Variants in SEL1L2 observed in about 807,000 individuals in gnomAD.
The protein encoded by SEL1L2 is protein sel-1 homolog 2.
In SEL1L2, 89 loss-of-function variants were observed where a neutral mutation model predicts 98.8. The observed-to-expected ratio is 0.90, with a 90% CI of 0.76 to 1.07. The LOEUF (loss-of-function observed/expected upper bound fraction) is 1.07. SEL1L2 is among the 50% of genes least tolerant of loss of function. SEL1L2 has a pLI of 0.00. For missense variants in SEL1L2, 788 were observed against 812.0 expected (o/e 0.97, Z 0.36); for synonymous variants, 262 against 278.5 (o/e 0.94, Z 0.59).
intron 1 of SEL1L2, among the ~76,000 whole-genome samples, chr20:13,989,377 T>C (rs1381080800): frequency 2.0e-5 from 3 of 152,226 alleles, no homozygotes; most frequent in East Asian, 1.9e-4. Flanking sequence ...GTTGATTCCA[T>C]ACGATTTTCT....
intron 5 of SEL1L2, among the ~76,000 whole-genome samples, chr20:13,899,194 T>G (rs1355362295): frequency 6.6e-6 from 1 of 152,208 alleles, no homozygotes; most frequent in Non-Finnish European, 1.5e-5. Flanking sequence ...AACTCTTATT[T>G]CCTTTTACTT....
intron 1 of SEL1L2, among the ~76,000 whole-genome samples, chr20:13,985,854 A>G (rs1013064728): frequency 1.3e-5 from 2 of 152,182 alleles, no homozygotes; most frequent in Non-Finnish European, 2.9e-5. Context: ...ACCGACTTTC[A>G]GTCTCTGTGC....
In SEL1L2 at chr20:13,876,091, C is replaced by G. The variant is rs201957921; in HGVS notation, c.1051G>C (p.Val351Leu). The change falls in exon 12 of 20, where the codon GTG becomes CTG. Residue 351 changes from valine to leucine, a missense_variant. Val to Leu is a conservative substitution (Grantham distance 32, BLOSUM62 1). Transcript: ENST00000284951. ...GKMYLEGNAA[V>L]PQNNATAFKY... ...AAGGCAGTAGCGTTATTTTGCGGCA[C>G]GGCAGCATTCCCCTCTAAATACATC... The G allele has an allele frequency of 2.5e-6, 4 of 1,613,658 alleles. No homozygotes were observed. The East Asian group carries it at 8.9e-5, about 36-fold the overall frequency.
intron 1 of SEL1L2, among the ~76,000 whole-genome samples, chr20:13,957,388 T>C (rs1321244): frequency 0.97 from 146,999 of 152,312 alleles, 71,051 homozygotes; most frequent in East Asian, 1. Flanking sequence ...AGGCGTGAGC[T>C]GCTGCGCCCA....
At chr20:13,904,652 G>C (rs1229493037) in intron 5 of SEL1L2, among the ~76,000 whole-genome samples, 1 of 152,080 alleles carries the variant, frequency 6.6e-6, no homozygotes, top group Non-Finnish European at 1.5e-5. Flanking sequence ...CCAATGGAAG[G>C]CATCTGGGAT....
In SEL1L2 at chr20:13,931,602, CAATG is replaced by C. The variant is rs2049147546; in HGVS notation, c.280_283del (p.His94TyrfsTer49). 7.4e-7 allele frequency: 1 copy of C among 1,359,820 alleles called. No homozygotes were observed. The highest frequency in any genetic ancestry group is 1.0e-6 in the Non-Finnish European group (1 of 999,498). 84.2% of individuals were successfully genotyped at this position (1,359,820 alleles called of 1,614,324 possible). A position where few individuals can be genotyped will look rare whatever the true frequency, so the allele number is the denominator to read the frequency against. The stretch of plus-strand genomic sequence containing the variant: ...TACATGTGAAAAGATATTCTACTTA[CAATG>C]ATTCTTATTTCTCTTCAAGATATCT... On this transcript the variant is annotated frameshift_variant and splice_region_variant, in exon 3 of 20. Transcript: ENST00000284951. LOFTEE classifies it high-confidence loss of function.
At chr20:13,945,810 A>G (rs2049981903) in intron 2 of SEL1L2, among the ~76,000 whole-genome samples, 1 of 152,174 alleles carries the variant, frequency 6.6e-6, no homozygotes, top group South Asian at 2.1e-4. Context: ...AATATGTCAC[A>G]TTAACAAAAT....
intron 1 of SEL1L2, among the ~76,000 whole-genome samples, chr20:13,977,483 TG>T (rs1230131907): frequency 6.6e-6 from 1 of 152,088 alleles, no homozygotes; most frequent in Non-Finnish European, 1.5e-5. Context: ...TTTCAATTGA[TG>T]GGGGGATAGA....
chr20:13,981,749 T>G (rs1253725037), intron 1 of SEL1L2, among the ~76,000 whole-genome samples: 1 of 152,226 alleles, frequency 6.6e-6, no homozygotes, highest in African/African-American at 2.4e-5. Context: ...AGTCCTGTCA[T>G]AACACCTGGT....
chr20:13,862,732 G>A (rs1444887105), intron 17 of SEL1L2, among the ~76,000 whole-genome samples: 1 of 151,808 alleles, frequency 6.6e-6, no homozygotes, highest in Non-Finnish European at 1.5e-5. Flanking sequence ...CTGTTGCCCA[G>A]GCTGGAGTGC....
At chr20:13,942,138 TC>T (rs1187902892) in intron 2 of SEL1L2, among the ~76,000 whole-genome samples, 1 of 152,156 alleles carries the variant, frequency 6.6e-6, no homozygotes, top group African/African-American at 2.4e-5. Flanking sequence ...TCACCAGTGG[TC>T]TTTGTTTAGG....
chr20:13,863,924 T>A (rs1382758061), intron 17 of SEL1L2, among the ~76,000 whole-genome samples: 1 of 149,814 alleles, frequency 6.7e-6, no homozygotes, highest in Non-Finnish European at 1.5e-5. Flanking sequence ...GAGCCTAGAT[T>A]GTGCCACTGC....
chr20:13,862,822 G>C lies in SEL1L2; in HGVS notation c.1645+2345C>G, dbSNP rs558751536. Among the ~76,000 whole-genome samples, 6 of 152,022 alleles carry C rather than the reference G, an allele frequency of 3.9e-5. No individual in the cohort carries two copies. The East Asian group carries it at 1.2e-3, about 29-fold the overall frequency. On this transcript the variant is annotated intron_variant, in intron 17 of 19. Coordinates refer to ENST00000284951, the MANE Select transcript of SEL1L2 (RefSeq NM_025229.2). The stretch of plus-strand genomic sequence containing the variant: ...CCTGCCTCAGCCCCTTGAGTAGCTA[G>C]AACTACAGGTGCACACCACCACACC...
intron 2 of SEL1L2, among the ~76,000 whole-genome samples, chr20:13,948,509 C>G (rs1318842281): frequency 6.6e-6 from 1 of 152,190 alleles, no homozygotes; most frequent in Non-Finnish European, 1.5e-5. Context: ...TGGAGAAAGA[C>G]AGTCTTTTCA....
At chr20:13,926,044 A>T (rs533288797) in intron 3 of SEL1L2, among the ~76,000 whole-genome samples, 1 of 152,186 alleles carries the variant, frequency 6.6e-6, no homozygotes, top group Non-Finnish European at 1.5e-5. Context: ...CAGGGCCGGG[A>T]GCCGTGGCTC....
In SEL1L2 at chr20:13,887,475, G is replaced by A. The variant is rs566251818; in HGVS notation, c.745+294C>T. On this transcript the variant is annotated intron_variant, in intron 8 of 19. Transcript: ENST00000284951. ...TAGGGAAACTGCTTAATATTTATCG[G>A]TGCTACATTCAAATTCTCAGTAAGG... 5.5e-4 allele frequency among the ~76,000 whole-genome samples: 83 copies of A among 152,154 alleles called. 1 individual carries two copies. The South Asian group carries it at 0.016, about 30-fold the overall frequency.
intron 17 of SEL1L2, among the ~76,000 whole-genome samples, chr20:13,860,557 G>T (rs1989948459): frequency 6.6e-6 from 1 of 152,062 alleles, no homozygotes; most frequent in Non-Finnish European, 1.5e-5. Context: ...CTACTGCATG[G>T]GCTCTTTATT....
At chr20:13,961,402 T>C (rs755258945) in intron 1 of SEL1L2, among the ~76,000 whole-genome samples, 2 of 152,162 alleles carry the variant, frequency 1.3e-5, no homozygotes, top group Admixed American at 1.3e-4. Flanking sequence ...TCCACTGAGA[T>C]AGAAGAATTT....
chr20:13,900,615 C>G (rs766511967), intron 5 of SEL1L2, among the ~76,000 whole-genome samples: 1 of 152,156 alleles, frequency 6.6e-6, no homozygotes, highest in Admixed American at 6.5e-5. Context: ...TCTCCATTTT[C>G]TATACAGGCG....
Sources: allele counts gnomAD v4.1 joint callset (sites outside exome capture counted in the v4.1 genomes callset), GRCh38; gene constraint gnomAD v4.1.1; transcripts MANE v1.5; gene names NCBI Gene and HGNC (gene_info 2026-07-23, HGNC 2026-07-21).